TRPM3: variants seen among roughly 807,000 people sequenced by gnomAD.
TRPM3 encodes the protein transient receptor potential cation channel subfamily M member 3, also known as long transient receptor potential channel 3.
Under a neutral mutation model 181.2 loss-of-function variants are expected in TRPM3, and 77 were observed. The ratio of observed to expected loss-of-function variants is 0.42; its 90% CI spans 0.35 to 0.51. The LOEUF (loss-of-function observed/expected upper bound fraction) is 0.51. Among genes scored for constraint, TRPM3 ranks in the 20% least tolerant of loss-of-function variants. TRPM3 has a pLI of 0.01. For missense variants in TRPM3, 1,759 were observed against 2,196.7 expected (o/e 0.80, Z 3.98); for synonymous variants, 745 against 796.4 (o/e 0.94, Z 1.09).
chr9:71,176,113 T>C (rs890384127), intron 1 of TRPM3, among the ~76,000 whole-genome samples: 2 of 152,220 alleles, frequency 1.3e-5, no homozygotes, highest in African/African-American at 4.8e-5. Context: ...ATGCATATAC[T>C]GTACTTTTAA....
At chr9:71,277,422 G>C (rs1304919276) in intron 1 of TRPM3, among the ~76,000 whole-genome samples, 1 of 152,150 alleles carries the variant, frequency 6.6e-6, no homozygotes, top group East Asian at 1.9e-4. Context: ...AATAAAAATA[G>C]TTTTGTTTTT....
intron 22 of TRPM3, among the ~76,000 whole-genome samples, chr9:70,554,606 CCT>C (rs2047219408): frequency 6.6e-6 from 1 of 152,114 alleles, no homozygotes; most frequent in Non-Finnish European, 1.5e-5. Flanking sequence ...AATCAGAATC[CCT>C]GAGGGTGCCC....
chr9:71,127,951 C>T (rs937388775), intron 1 of TRPM3, among the ~76,000 whole-genome samples: 3 of 152,218 alleles, frequency 2.0e-5, no homozygotes, highest in African/African-American at 7.2e-5. Context: ...GAAGTTCCCA[C>T]ACATGCTAAG....
intron 1 of TRPM3, among the ~76,000 whole-genome samples, chr9:70,956,383 G>GA (rs35066137): frequency 6.8e-6 from 1 of 146,224 alleles, no homozygotes; most frequent in South Asian, 2.2e-4. Flanking sequence ...ATTTTAAATA[G>GA]AAAAAAAACA....
At chr9:71,180,860 C>T (rs1356436623) in intron 1 of TRPM3, among the ~76,000 whole-genome samples, 1 of 152,068 alleles carries the variant, frequency 6.6e-6, no homozygotes, top group Non-Finnish European at 1.5e-5. Flanking sequence ...AGAGGCTCCT[C>T]ACCTCCCCTC....
intron 1 of TRPM3, among the ~76,000 whole-genome samples, chr9:71,272,138 C>A (rs1164943966): frequency 6.6e-6 from 1 of 152,058 alleles, no homozygotes; most frequent in African/African-American, 2.4e-5. Context: ...GAGAGAGCAT[C>A]ATTTTCAGTG....
intron 1 of TRPM3, among the ~76,000 whole-genome samples, chr9:71,209,894 G>A (rs1220756777): frequency 1.3e-5 from 2 of 152,198 alleles, no homozygotes; most frequent in Admixed American, 6.5e-5. Context: ...TTGAGACCTT[G>A]TAGCAGAGAC....
At chr9:70,827,076 A>G (rs1395587569) in intron 6 of TRPM3, 1 of 152,260 alleles carries the variant, frequency 6.6e-6, no homozygotes, top group Non-Finnish European at 1.5e-5. Flanking sequence ...GTAACTATGT[A>G]CTATGTGGTT....
At chr9:71,200,234 G>T (rs1384202382) in intron 1 of TRPM3, among the ~76,000 whole-genome samples, 1 of 152,040 alleles carries the variant, frequency 6.6e-6, no homozygotes, top group South Asian at 2.1e-4. Context: ...TGTGGTCTGA[G>T]AGACAGTTTG....
chr9:70,784,224 C>A lies in TRPM3; in HGVS notation c.1029G>T (p.Val343=). The change falls in exon 7 of 26, where the codon GTG becomes GTT. Residue 343 remains valine, a synonymous_variant. Transcript: ENST00000677713. ...VALIVEGGPN[V]ISIVLEYLRD... is the part of the protein sequence containing the mutation. ...GAAGGTACTCCAAAACAATCGAGAT[C>A]ACATTGGGTCCTCCTTCCACTATGA... is the stretch of plus-strand genomic sequence containing the variant. 6.2e-7 allele frequency: 1 copy of A among 1,613,570 alleles called. No individual in the cohort carries two copies. Among genetic ancestry groups the A allele is most frequent in the South Asian group, 1.1e-5 (1 of 91,018 alleles).
intron 1 of TRPM3, among the ~76,000 whole-genome samples, chr9:70,943,937 G>A (rs1031322139): frequency 4.6e-5 from 7 of 151,902 alleles, no homozygotes; most frequent in Non-Finnish European, 7.4e-5. Context: ...CCAACACCAC[G>A]CCTGGCTAAT....
intron 3 of TRPM3, among the ~76,000 whole-genome samples, chr9:70,856,012 A>G (rs919859948): frequency 1.3e-4 from 20 of 152,330 alleles, no homozygotes; most frequent in Non-Finnish European, 8.8e-5. Flanking sequence ...AATATGAGAT[A>G]TCAGGTACTT....
intron 1 of TRPM3, among the ~76,000 whole-genome samples, chr9:71,005,187 A>C (rs2097660435): frequency 6.6e-6 from 1 of 152,196 alleles, no homozygotes; most frequent in South Asian, 2.1e-4. Flanking sequence ...TGGGCAGATC[A>C]CCTGAGTTTG....
At chr9:71,096,569 C>T (rs984668039) in intron 1 of TRPM3, among the ~76,000 whole-genome samples, 2 of 100,642 alleles carry the variant, frequency 2.0e-5, no homozygotes, top group African/African-American at 7.4e-5. Flanking sequence ...TGCACACACA[C>T]ACACACACAC....
intron 9 of TRPM3, among the ~76,000 whole-genome samples, chr9:70,642,594 C>A (rs1395880041): frequency 6.6e-6 from 1 of 152,134 alleles, no homozygotes; most frequent in African/African-American, 2.4e-5. Flanking sequence ...GGGATGGGAT[C>A]CAGGCGCGGA....
chr9:71,300,863 C>T (rs890516057), intron 1 of TRPM3, among the ~76,000 whole-genome samples: 10 of 152,042 alleles, frequency 6.6e-5, no homozygotes, highest in East Asian at 1.9e-4. Context: ...TGGAGGGATA[C>T]GCACTACTAC....
Position 70,535,461 on chromosome 9 carries a change from T to TC in TRPM3, c.*491dup. The TC allele has an allele frequency of 6.4e-7, 1 of 1,550,576 alleles. No homozygotes were observed. The highest frequency in any genetic ancestry group is 8.7e-7 in the Non-Finnish European group (1 of 1,147,000). ...GAATAAAGAGGATGCTCTTCATCAG[T>TC]CACCAGTGATGGAGCCAATGTGAAA... On this transcript the variant is annotated 3_prime_UTR_variant, in exon 26 of 26. Transcript: ENST00000677713.
intron 8 of TRPM3, 90 bp downstream of exon 8, chr9:70,761,511 G>A (rs758895767): frequency 3.2e-6 from 5 of 1,584,786 alleles, no homozygotes; most frequent in Non-Finnish European, 4.3e-6. Flanking sequence ...CAGAAAGAGA[G>A]AATGTTGCAT....
At chr9:70,769,650 A>C (rs2079840703) in intron 7 of TRPM3, among the ~76,000 whole-genome samples, 1 of 152,134 alleles carries the variant, frequency 6.6e-6, no homozygotes, top group Admixed American at 6.6e-5. Context: ...ATTAAAAAAA[A>C]TCACCCTCAT....
Sources: gnomAD v4.1 joint callset for allele counts (sites outside exome capture counted in the v4.1 genomes callset) on GRCh38, gnomAD v4.1.1 for gene constraint, MANE v1.5 for transcripts, NCBI Gene and HGNC (gene_info 2026-07-23, HGNC 2026-07-21) for gene names.